The following PGM5 variants were observed in gnomAD, a reference collection of about 807,000 sequenced individuals.
PGM5 encodes the protein phosphoglucomutase-like protein 5.
Under a neutral mutation model 59.2 loss-of-function variants are expected in PGM5, and 23 were observed. The ratio of observed to expected loss-of-function variants is 0.39; its 90% CI spans 0.28 to 0.55. The LOEUF (loss-of-function observed/expected upper bound fraction) is 0.55. Among genes scored for constraint, PGM5 ranks in the 20% least tolerant of loss-of-function variants. The pLI is 0.66. For missense variants in PGM5, 574 were observed against 748.3 expected (o/e 0.77, Z 2.72); for synonymous variants, 214 against 286.0 (o/e 0.75, Z 2.54).
At chr9:68,469,052 G>C (rs1023213389) in intron 7 of PGM5, among the ~76,000 whole-genome samples, 3 of 152,126 alleles carry the variant, frequency 2.0e-5, no homozygotes, top group Non-Finnish European at 4.4e-5. Context: ...CAAGTAGCAG[G>C]ACCACAGGCG....
chr9:68,518,754 A>C (rs1824857475), intron 10 of PGM5, among the ~76,000 whole-genome samples: 1 of 152,258 alleles, frequency 6.6e-6, no homozygotes. Context: ...GGAAGATGAA[A>C]GATCATATTC....
Position 68,387,447 on chromosome 9 carries a change from G to A in PGM5, c.572-16G>A, listed in dbSNP as rs263788. The A allele has an allele frequency of 2.8e-3, 4,419 of 1,602,986 alleles. 92 individuals are homozygous for A. In the African/African-American group the frequency reaches 0.052, roughly 19 times the overall value. On this transcript the variant is annotated splice_polypyrimidine_tract_variant and intron_variant, in intron 3 of 10. Coordinates refer to ENST00000396396, the MANE Select transcript of PGM5 (RefSeq NM_021965.4). ...GGTACAGTCAATGACATTTTCCTTT[G>A]TTTTTCTATCTTTAGTGGAGATAGT...
chr9:68,497,458 A>G (rs2132103562), intron 9 of PGM5: 1 of 152,314 alleles, frequency 6.6e-6, no homozygotes, highest in African/African-American at 2.4e-5. Flanking sequence ...GAACCACTCC[A>G]AAAGAAACTA....
intron 6 of PGM5, among the ~76,000 whole-genome samples, chr9:68,419,563 G>A (rs2132046414): frequency 6.6e-6 from 1 of 152,298 alleles, no homozygotes; most frequent in East Asian, 1.9e-4. Context: ...TAGGGGTCCG[G>A]GGAAAGAAAG....
At chr9:68,492,325 G>A (rs1479257815) in intron 9 of PGM5, among the ~76,000 whole-genome samples, 2 of 152,054 alleles carry the variant, frequency 1.3e-5, no homozygotes, top group Non-Finnish European at 2.9e-5. Context: ...TTTGAGAGTT[G>A]GAATTTGGAT....
chr9:68,508,648 G>A (rs1554689168), intron 10 of PGM5, among the ~76,000 whole-genome samples: 1 of 152,190 alleles, frequency 6.6e-6, no homozygotes, highest in Non-Finnish European at 1.5e-5. Context: ...GCCTGAAAAA[G>A]GAGCATGAAT....
At chr9:68,358,751 A>AT (rs1347020579) in intron 1 of PGM5, among the ~76,000 whole-genome samples, 5 of 151,908 alleles carry the variant, frequency 3.3e-5, no homozygotes, top group African/African-American at 4.8e-5. Flanking sequence ...GGGAAAGAGG[A>AT]TTTTTTTAAA....
chr9:68,471,546 T>C (rs1307646238), intron 7 of PGM5, among the ~76,000 whole-genome samples: 1 of 150,444 alleles, frequency 6.6e-6, no homozygotes, highest in Non-Finnish European at 1.5e-5. Flanking sequence ...TGTGGGAAGC[T>C]GAGGCAGGAG....
At position 68,437,306 on chromosome 9, in the gene PGM5, C is replaced by T. The variant is rs1382966535; in HGVS notation, c.1044-27787C>T. Among the ~76,000 whole-genome samples, 4 of 152,072 alleles carry T rather than the reference C, an allele frequency of 2.6e-5. No homozygotes were observed. Among genetic ancestry groups the T allele is most frequent in the Admixed American group, 2.6e-4 (4 of 15,272 alleles). On this transcript the variant is annotated intron_variant, in intron 6 of 10. Transcript: ENST00000396396. This position sits in a 1 kb window ranked among gnomAD's most constrained non-coding sequence, Gnocchi z 4.1. Reference sequence around the variant, plus strand: ...TGGGTACTTATTGAAGGAAGAGACTCTGATAGAGGATATTGTTAGTGGAGA... The same window carrying T: ...TGGGTACTTATTGAAGGAAGAGACTTTGATAGAGGATATTGTTAGTGGAGA...
intron 6 of PGM5, among the ~76,000 whole-genome samples, chr9:68,430,712 G>A (rs558224697): frequency 1.3e-5 from 2 of 152,268 alleles, no homozygotes; most frequent in African/African-American, 2.4e-5. Context: ...ATCTCAGTAA[G>A]GGAAATCATA....
intron 10 of PGM5, among the ~76,000 whole-genome samples, chr9:68,507,824 G>T (rs1554689099): frequency 1.3e-5 from 2 of 152,042 alleles, no homozygotes; most frequent in African/African-American, 4.8e-5. Context: ...TTCTTCCTTA[G>T]ATATTGAAAT....
chr9:68,461,709 A>G (rs1408922718), intron 6 of PGM5, among the ~76,000 whole-genome samples: 4 of 152,064 alleles, frequency 2.6e-5, no homozygotes, highest in African/African-American at 9.7e-5. Context: ...CCTTGATCTC[A>G]GACTTCCTAA....
chr9:68,521,172 A>G (rs10124105), intron 10 of PGM5, among the ~76,000 whole-genome samples: 2,596 of 152,330 alleles, frequency 0.017, 65 homozygotes, highest in African/African-American at 0.056. Context: ...TCCAAGCCTC[A>G]GTTTCCTCAT....
chr9:68,526,010 C>A (rs1363297142), intron 10 of PGM5, among the ~76,000 whole-genome samples: 2 of 151,208 alleles, frequency 1.3e-5, no homozygotes, highest in Admixed American at 1.3e-4. Flanking sequence ...GAGCCAAGAT[C>A]GCGCCACTGC....
intron 10 of PGM5, among the ~76,000 whole-genome samples, chr9:68,519,152 A>C (rs866307937): frequency 6.6e-6 from 1 of 152,120 alleles, no homozygotes; most frequent in Non-Finnish European, 1.5e-5. Flanking sequence ...ACAAAAGCTG[A>C]GAGAGTATCT....
chr9:68,438,226 T>C (rs1288659425), intron 6 of PGM5, among the ~76,000 whole-genome samples: 1 of 142,998 alleles, frequency 7.0e-6, no homozygotes. Flanking sequence ...GAGGCAGAGG[T>C]TGCAGTGAGC....
chr9:68,469,218 CT>C (rs782024813), intron 7 of PGM5, among the ~76,000 whole-genome samples: 4 of 152,194 alleles, frequency 2.6e-5, no homozygotes, highest in Non-Finnish European at 4.4e-5. Flanking sequence ...ATGCCGGCCA[CT>C]ATTACTTTTT....
At chr9:68,453,451 A>AT (rs558362098) in intron 6 of PGM5, among the ~76,000 whole-genome samples, 236 of 151,956 alleles carry the variant, frequency 1.6e-3, no homozygotes, top group African/African-American at 5.4e-3. Context: ...CAATCCTCCC[A>AT]TCTCAGCCTC....
At chr9:68,375,090 C>T (rs1554677469) in intron 1 of PGM5, among the ~76,000 whole-genome samples, 1 of 152,122 alleles carries the variant, frequency 6.6e-6, no homozygotes, top group Non-Finnish European at 1.5e-5. Context: ...GTTGGCAGGC[C>T]TTGCTCCCTC....
Sources: allele counts gnomAD v4.1 joint callset (sites outside exome capture counted in the v4.1 genomes callset), GRCh38; gene constraint gnomAD v4.1.1; non-coding constraint Gnocchi (gnomAD v3.1); transcripts MANE v1.5; gene names NCBI Gene and HGNC (gene_info 2026-07-23, HGNC 2026-07-21).